The following RPL32 variants were observed in gnomAD, a reference collection of about 807,000 sequenced individuals.
The protein encoded by RPL32 is large ribosomal subunit protein eL32.
For missense variants in RPL32, 117 were observed against 173.7 expected (o/e 0.67, Z 1.83); for synonymous variants, 61 against 62.6 (o/e 0.98, Z 0.12).
At chr3:12,837,402 G>A (rs969069781) in intron 3 of RPL32, among the ~76,000 whole-genome samples, 5 of 152,210 alleles carry the variant, frequency 3.3e-5, no homozygotes, top group African/African-American at 4.8e-5. Flanking sequence ...GAGATCAAAC[G>A]TCAAAGAGTA....
intron 3 of RPL32, among the ~76,000 whole-genome samples, chr3:12,836,770 C>G (rs1031555053): frequency 2.6e-5 from 4 of 152,236 alleles, no homozygotes; most frequent in Non-Finnish European, 2.9e-5. Context: ...AGTTCTAACT[C>G]ATTCCTCACA....
At position 12,835,816 on chromosome 3, in the gene RPL32, T is replaced by G. The variant is rs1401614776; in HGVS notation, c.*278A>C. On this transcript the variant is annotated 3_prime_UTR_variant, in exon 4 of 4. Transcript: ENST00000429711. ...AAGCTTCTTCAAGTGTCTCAGAACC[T>G]ACCTGGTGTGAGGGCCAAGTCTGTA... 1 of 372,084 alleles carries G rather than the reference T, an allele frequency of 2.7e-6. No homozygotes were observed. Among genetic ancestry groups the G allele is most frequent in the Non-Finnish European group, 4.9e-6 (1 of 202,734 alleles). 23.0% of individuals were successfully genotyped at this position (372,084 alleles called of 1,614,324 possible).
chr3:12,839,374 G>C lies in RPL32; in HGVS notation c.253C>G (p.Leu85Val). ...RKFLVHNVKE[L>V]EVLLMCNKSY... ...TTGTTGCACATCAGCAGCACTTCCA[G>C]CTCCTTGACGTTGTGGACCAGGAAC... The change falls in exon 3 of 4, where the codon CTG becomes GTG. Residue 85 changes from leucine (L) to valine (V), a missense_variant. Leu to Val is a conservative substitution (Grantham distance 32, BLOSUM62 1). Coordinates refer to ENST00000429711, the MANE Select transcript of RPL32 (RefSeq NM_000994.4). 2.5e-6 allele frequency: 4 copies of C among 1,614,094 alleles called. No individual in the cohort carries two copies. The highest frequency in any genetic ancestry group is 3.3e-5 in the Admixed American group (2 of 60,020).
At position 12,835,107 on chromosome 3, in the gene RPL32, G is replaced by A. The variant is rs941114366; in HGVS notation, c.*987C>T. The A allele has an allele frequency of 1.3e-5, 2 of 152,178 alleles. No individual in the cohort carries two copies. The highest frequency in any genetic ancestry group is 4.8e-5 in the African/African-American group (2 of 41,436). The allele number at this position is 152,178 out of a possible 1,614,324, so 9.4% of individuals were successfully genotyped here. A position where few individuals can be genotyped will look rare whatever the true frequency, so the allele number is the denominator to read the frequency against. ...AGAAAAACATCCTGTAAGCATTTCTGTCTCATAAGTACCACATCCCATATC... is the reference window on the plus strand; with the variant it reads ...AGAAAAACATCCTGTAAGCATTTCTATCTCATAAGTACCACATCCCATATC... On this transcript the variant is annotated 3_prime_UTR_variant, in exon 4 of 4. Coordinates refer to ENST00000429711, the MANE Select transcript of RPL32 (RefSeq NM_000994.4).
In RPL32 at chr3:12,838,883, G is replaced by A. The variant is rs186335801; in HGVS notation, c.278+466C>T. Among the ~76,000 whole-genome samples, 20 of 152,226 alleles carry A rather than the reference G, an allele frequency of 1.3e-4. No individual in the cohort carries two copies. The East Asian group carries it at 3.7e-3, about 28-fold the overall frequency. ...GTCTCCCTAAAATATGTAAAACCAA[G>A]CTGCTCCCCGCCCACCTTGGACACA... On this transcript the variant is annotated intron_variant, in intron 3 of 3. Transcript: ENST00000429711.
chr3:12,841,393 C>T (rs2062151428), intron 1 of RPL32, 101 bp downstream of exon 1: 1 of 152,274 alleles, frequency 6.6e-6, no homozygotes, highest in Admixed American at 6.5e-5. Flanking sequence ...AATAACAATA[C>T]CCACAGACAC....
At chr3:12,839,212 C>T in intron 3 of RPL32, 137 bp downstream of exon 3, 1 of 756,688 alleles carries the variant, frequency 1.3e-6, no homozygotes, top group South Asian at 1.7e-5. Flanking sequence ...CTGCAAGGAA[C>T]AACTTCTGAT....
At chr3:12,839,642 C>T in intron 2 of RPL32, 112 bp from the exon 3 acceptor site, 2 of 1,058,006 alleles carry the variant, frequency 1.9e-6, no homozygotes, top group Non-Finnish European at 2.9e-6. Flanking sequence ...ACAGTAGTTG[C>T]CTTTGGTAAC....
At chr3:12,840,571 C>T in intron 1 of RPL32, 6 of 491,128 alleles carry the variant, frequency 1.2e-5, no homozygotes, top group South Asian at 6.2e-5. Context: ...TGTCCGAACC[C>T]CCAGATGGTC....
At chr3:12,836,918 AAG>A (rs1231644376) in intron 3 of RPL32, among the ~76,000 whole-genome samples, 1 of 152,254 alleles carries the variant, frequency 6.6e-6, no homozygotes, top group Non-Finnish European at 1.5e-5. Flanking sequence ...ATTTTCAGCA[AAG>A]AGAGAAGCAG....
intron 3 of RPL32, among the ~76,000 whole-genome samples, chr3:12,837,513 G>A (rs1039669605): frequency 6.6e-6 from 1 of 152,196 alleles, no homozygotes; most frequent in Non-Finnish European, 1.5e-5. Flanking sequence ...CCATACAACA[G>A]GTATTGCCTG....
intron 3 of RPL32, 79 bp downstream of exon 3, chr3:12,839,270 T>C: frequency 1.5e-6 from 2 of 1,344,526 alleles, no homozygotes; most frequent in Admixed American, 1.7e-5. Flanking sequence ...ATCCCAAGAG[T>C]TTGTAGAGTT....
intron 1 of RPL32, chr3:12,840,460 C>T (rs756150264): frequency 5.1e-5 from 35 of 681,944 alleles, no homozygotes; most frequent in Non-Finnish European, 8.8e-5. Context: ...CAAGGGTCAC[C>T]TCACCCACTC....
chr3:12,839,237 T>A, intron 3 of RPL32, 112 bp downstream of exon 3: 1 of 934,562 alleles, frequency 1.1e-6, no homozygotes, highest in Non-Finnish European at 1.7e-6. Flanking sequence ...TCAGAGAATG[T>A]ACAACACCCC....
intron 2 of RPL32, 66 bp downstream of exon 2, chr3:12,840,076 G>T: frequency 2.6e-6 from 3 of 1,132,932 alleles, no homozygotes; most frequent in Non-Finnish European, 3.9e-6. Flanking sequence ...CTGACTAGGT[G>T]ATGTCAGAAA....
At chr3:12,838,293 G>C (rs1015565719) in intron 3 of RPL32, among the ~76,000 whole-genome samples, 1 of 152,208 alleles carries the variant, frequency 6.6e-6, no homozygotes, top group African/African-American at 2.4e-5. Context: ...TGTAATCCCA[G>C]CTCTTGGGAG....
intron 3 of RPL32, chr3:12,838,984 A>G (rs946112326): frequency 2.2e-5 from 7 of 324,550 alleles, no homozygotes; most frequent in Non-Finnish European, 4.1e-5. Context: ...ATCTCTTCGA[A>G]TATTTCAGAG....
At chr3:12,836,618 A>G (rs556917386) in intron 3 of RPL32, among the ~76,000 whole-genome samples, 2 of 152,268 alleles carry the variant, frequency 1.3e-5, no homozygotes, top group East Asian at 3.9e-4. Flanking sequence ...TCTTTGCAAA[A>G]TGGTCAAGAG....
intron 3 of RPL32, 50 bp from the exon 4 acceptor site, chr3:12,836,273 G>C: frequency 2.5e-6 from 4 of 1,597,926 alleles, no homozygotes; most frequent in Non-Finnish European, 3.4e-6. Flanking sequence ...CAACACACTT[G>C]GAAAATTCCA....
Sources: gnomAD v4.1 joint callset for allele counts (sites outside exome capture counted in the v4.1 genomes callset) on GRCh38, gnomAD v4.1.1 for gene constraint, MANE v1.5 for transcripts, NCBI Gene and HGNC (gene_info 2026-07-23, HGNC 2026-07-21) for gene names.